CD99L2: variants seen among roughly 807,000 people sequenced by gnomAD.
The protein encoded by CD99L2 is CD99 molecule like 2.
CD99L2 carries 24 observed loss-of-function variants against 27.3 expected under a neutral mutation model. The ratio of observed to expected loss-of-function variants is 0.88; its 90% CI spans 0.64 to 1.24. CD99L2 has a LOEUF of 1.24. Ranked by LOEUF, CD99L2 falls within the 50% of genes most tolerant of loss-of-function variation. The pLI, the probability that CD99L2 is intolerant of heterozygous loss-of-function variation, is 0.00. For synonymous variants in CD99L2, 97 were observed against 87.9 expected, an observed-to-expected ratio of 1.10 and a Z score of -0.58; for missense variants, 255 against 221.6, an observed-to-expected ratio of 1.15 and a Z score of -0.96.
chrX:150,880,163 A>G (rs1557422452), intron 1 of CD99L2, among the ~76,000 whole-genome samples: 1 of 111,814 alleles, frequency 8.9e-6, no homozygotes, highest in Non-Finnish European at 1.9e-5. Flanking sequence ...GTTCCTTACA[A>G]AGTTAAACAT....
At chrX:150,847,085 C>T (rs1208709990) in intron 1 of CD99L2, among the ~76,000 whole-genome samples, 1 of 112,186 alleles carries the variant, frequency 8.9e-6, no homozygotes, top group Non-Finnish European at 1.9e-5. Flanking sequence ...GCACCTCCTA[C>T]CCTGTATCCC....
At chrX:150,818,215 T>TATATATATATATATATATATATAG in intron 2 of CD99L2, among the ~76,000 whole-genome samples, 1 of 103,939 alleles carries the variant, frequency 9.6e-6, no homozygotes, top group Non-Finnish European at 2.0e-5. Context: ...TATATATATA[T>TATATATATATATATATATATATAG]ATATATATGA....
At chrX:150,859,918 T>G (rs1489883714) in intron 1 of CD99L2, among the ~76,000 whole-genome samples, 1 of 111,316 alleles carries the variant, frequency 9.0e-6, no homozygotes, top group African/African-American at 3.3e-5. Flanking sequence ...GAACTAACAG[T>G]AATCCTCCAC....
rs782374951 is a variant in CD99L2 at position 150,889,476 on chromosome X, A to AAC, written c.67+9045_67+9046insGT. On this transcript the variant is annotated intron_variant, in intron 1 of 10. Coordinates refer to ENST00000370377, the MANE Select transcript of CD99L2 (RefSeq NM_031462.4). ...CTAGTTGAAGCAGCAATAAAAAAAA[A>AAC]AAAACAAAAGTAGAAGGTCAAAATG... Among the ~76,000 whole-genome samples the AAC allele has an allele frequency of 2.0e-3, 227 of 112,492 alleles. 1 individual carries two copies. The highest frequency in any genetic ancestry group is 7.1e-3 in the African/African-American group (219 of 30,975).
At chrX:150,805,769 G>T (rs1489984982) in intron 4 of CD99L2, among the ~76,000 whole-genome samples, 2 of 111,650 alleles carry the variant, frequency 1.8e-5, no homozygotes, top group Non-Finnish European at 3.8e-5. Flanking sequence ...AGGGAATTAT[G>T]TTGAGTGAGA....
intron 1 of CD99L2, among the ~76,000 whole-genome samples, chrX:150,855,541 T>C (rs2046868798): frequency 9.0e-6 from 1 of 111,040 alleles, no homozygotes; most frequent in Non-Finnish European, 1.9e-5. Flanking sequence ...CTCACTATCA[T>C]GAGAACAATG....
rs782723051 is a variant in CD99L2, at chrX:150,893,944, G to A, written c.67+4578C>T. Among the ~76,000 whole-genome samples the A allele has an allele frequency of 2.7e-5, 3 of 111,503 alleles. No homozygotes were observed. In the South Asian group the frequency reaches 1.1e-3, roughly 42 times the overall value. ...TTGGCCAGGCTGGTATCAAACTCCT[G>A]ACCTCAGCTGATCCACCCGCCTCAG... On this transcript the variant is annotated intron_variant, in intron 1 of 10. Transcript: ENST00000370377.
At position 150,793,607 on chromosome X, in the gene CD99L2, C is replaced by A. The variant is rs184119510; in HGVS notation, c.496+84G>T. ...ATGTCTGGGAACTACCACTCATTTC[C>A]CAGAGGCTCAATTAATCTGGTTGCT... On this transcript the variant is annotated intron_variant, in intron 7 of 10. Coordinates refer to ENST00000370377, the MANE Select transcript of CD99L2 (RefSeq NM_031462.4). 485 of 840,809 alleles carry A rather than the reference C, an allele frequency of 5.8e-4. 1 individual carries two copies. In the African/African-American group the frequency reaches 9.1e-3, roughly 16 times the overall value. 69.3% of individuals were successfully genotyped at this position (840,809 alleles called of 1,213,427 possible). A position where few individuals can be genotyped will look rare whatever the true frequency, so the allele number is the denominator to read the frequency against.
rs1251753044 is a variant in CD99L2 at position 150,808,646 on chromosome X, G to A, written c.277+6216C>T. Among the ~76,000 whole-genome samples, 4 of 112,373 alleles carry A rather than the reference G, an allele frequency of 3.6e-5. No individual in the cohort carries two copies. In the East Asian group the frequency reaches 1.1e-3, roughly 31 times the overall value. On this transcript the variant is annotated intron_variant, in intron 4 of 10. Transcript: ENST00000370377. ...GATATAACTGCTGTGATCAGATTATGACATAGCAGAGGTAAATGGATTTTG... is the reference window on the plus strand; with the variant it reads ...GATATAACTGCTGTGATCAGATTATAACATAGCAGAGGTAAATGGATTTTG...
intron 9 of CD99L2, among the ~76,000 whole-genome samples, chrX:150,773,337 C>T (rs782597607): frequency 5.3e-5 from 6 of 113,167 alleles, no homozygotes; most frequent in South Asian, 3.6e-4. Context: ...GTGCAGAGCC[C>T]GGAAGAGAGG....
rs1271366729 is a variant in CD99L2, at chrX:150,768,274, C to T, written c.*760G>A. 2.7e-5 allele frequency: 3 copies of T among 111,939 alleles called. No individual in the cohort carries two copies. Among genetic ancestry groups the T allele is most frequent in the Admixed American group, 9.4e-5 (1 of 10,601 alleles). 9.2% of individuals were successfully genotyped at this position (111,939 alleles called of 1,213,427 possible). A position where few individuals can be genotyped will look rare whatever the true frequency, so the allele number is the denominator to read the frequency against. ...TGCTAAAGACCTTTCTCATGTCAACCCGAAGGCCACACCCAGCCCCCTATG... is the reference window on the plus strand; with the variant it reads ...TGCTAAAGACCTTTCTCATGTCAACTCGAAGGCCACACCCAGCCCCCTATG... On this transcript the variant is annotated 3_prime_UTR_variant, in exon 11 of 11. Coordinates refer to ENST00000370377, the MANE Select transcript of CD99L2 (RefSeq NM_031462.4).
At chrX:150,809,492 A>C (rs2124166883) in intron 4 of CD99L2, among the ~76,000 whole-genome samples, 1 of 112,531 alleles carries the variant, frequency 8.9e-6, no homozygotes, top group Non-Finnish European at 1.9e-5. Flanking sequence ...GCAGAAAAAT[A>C]ATTTTATTAG....
intron 10 of CD99L2, 35 bp downstream of exon 10, chrX:150,770,269 G>A (rs781939056): frequency 2.5e-6 from 3 of 1,179,817 alleles, no homozygotes; most frequent in Middle Eastern, 2.3e-4. Flanking sequence ...AACTAGGAAA[G>A]CGTCAGCAAG....
intron 9 of CD99L2, among the ~76,000 whole-genome samples, chrX:150,774,376 C>G (rs1174690051): frequency 1.8e-5 from 2 of 111,384 alleles, no homozygotes; most frequent in African/African-American, 6.5e-5. Flanking sequence ...TGGCCAGGTC[C>G]TTGCTCCCTC....
At chrX:150,773,263 G>A (rs1318824903) in intron 9 of CD99L2, among the ~76,000 whole-genome samples, 4 of 112,708 alleles carry the variant, frequency 3.5e-5, no homozygotes, top group Non-Finnish European at 5.6e-5. Flanking sequence ...CTCAGCCCAA[G>A]AACTCTCCCC....
chrX:150,785,243 T>G (rs2045575945), intron 7 of CD99L2, among the ~76,000 whole-genome samples: 1 of 110,458 alleles, frequency 9.1e-6, no homozygotes, highest in Admixed American at 9.8e-5. Context: ...TTGTTGTTCC[T>G]GCTTCTTTAA....
At chrX:150,800,027 A>G (rs1337999666) in intron 4 of CD99L2, among the ~76,000 whole-genome samples, 1 of 112,532 alleles carries the variant, frequency 8.9e-6, no homozygotes, top group Non-Finnish European at 1.9e-5. Context: ...ATATACATAT[A>G]ATGCAATATT....
chrX:150,864,505 C>T (rs1262758023), intron 1 of CD99L2, among the ~76,000 whole-genome samples: 6 of 112,426 alleles, frequency 5.3e-5, no homozygotes, highest in Non-Finnish European at 1.1e-4. Flanking sequence ...TAGAAGCCAC[C>T]TGGCAGCACT....
intron 7 of CD99L2, among the ~76,000 whole-genome samples, chrX:150,779,466 G>T (rs1268225952): frequency 8.9e-6 from 1 of 112,466 alleles, no homozygotes; most frequent in Non-Finnish European, 1.9e-5. Flanking sequence ...AGAAAAAACA[G>T]CCAGTCATCT....
Sources: allele counts gnomAD v4.1 joint callset (sites outside exome capture counted in the v4.1 genomes callset), GRCh38; gene constraint gnomAD v4.1.1; transcripts MANE v1.5; gene names NCBI Gene and HGNC (gene_info 2026-07-23, HGNC 2026-07-21).